GPR137C: variants seen among roughly 807,000 people sequenced by gnomAD.
The protein encoded by GPR137C is integral membrane protein GPR137C.
GPR137C carries 27 observed loss-of-function variants against 43.4 expected under a neutral mutation model. That is an observed-to-expected ratio of 0.62 (90% CI 0.46 to 0.86). The LOEUF (loss-of-function observed/expected upper bound fraction) is 0.86, where lower values mean the gene tolerates loss of function less well. GPR137C is among the 40% of genes least tolerant of loss of function. GPR137C has a pLI of 0.00. For missense variants in GPR137C, 522 were observed against 534.6 expected, an observed-to-expected ratio of 0.98 and a Z score of 0.23; for synonymous variants, 285 against 226.9, an observed-to-expected ratio of 1.26 and a Z score of -2.30.
intron 1 of GPR137C, among the ~76,000 whole-genome samples, chr14:52,567,890 C>T (rs1046161059): frequency 7.9e-5 from 12 of 152,060 alleles, no homozygotes; most frequent in African/African-American, 2.9e-4. Context: ...GAACTTCTGA[C>T]CTCGTGATCT....
At chr14:52,634,004 A>G (rs950491452) in intron 6 of GPR137C, 58 bp downstream of exon 6, 2 of 1,061,496 alleles carry the variant, frequency 1.9e-6, no homozygotes, top group African/African-American at 3.2e-5. Context: ...GAAAAAAACA[A>G]ATCTAAGCTT....
intron 3 of GPR137C, among the ~76,000 whole-genome samples, chr14:52,628,782 G>A (rs2039260428): frequency 6.6e-6 from 1 of 152,078 alleles, no homozygotes; most frequent in South Asian, 2.1e-4. Context: ...GATGACAGAG[G>A]GAGACTGTCT....
intron 3 of GPR137C, among the ~76,000 whole-genome samples, chr14:52,628,624 C>T (rs531917337): frequency 2.6e-5 from 4 of 152,026 alleles, no homozygotes; most frequent in Non-Finnish European, 4.4e-5. Context: ...GGTAAAACTC[C>T]GTCTCTACTA....
rs114474539 is a variant in GPR137C, at chr14:52,608,138, C to G, written c.717+7797C>G. Among the ~76,000 whole-genome samples the G allele has an allele frequency of 3.9e-5, 6 of 152,282 alleles. No homozygotes were observed. In the South Asian group the frequency reaches 1.2e-3, roughly 32 times the overall value. ...GTTACTATTGATATGTCAGGATTTA[C>G]TGCCATTTTTGCTTCTTTTCTAACT... On this transcript the variant is annotated intron_variant, in intron 3 of 6. Transcript: ENST00000321662.
intron 1 of GPR137C, among the ~76,000 whole-genome samples, chr14:52,566,025 A>C (rs774274160): frequency 5.9e-5 from 9 of 152,238 alleles, no homozygotes; most frequent in Middle Eastern, 3.2e-3. Context: ...ATTTTTGCTT[A>C]AACTCCTTAG....
chr14:52,556,149 A>G (rs1024873695), intron 1 of GPR137C, among the ~76,000 whole-genome samples: 13 of 152,152 alleles, frequency 8.5e-5, no homozygotes, highest in African/African-American at 2.9e-4. Context: ...GTGTGTCTTG[A>G]TTACCAACTC....
intron 3 of GPR137C, among the ~76,000 whole-genome samples, chr14:52,602,371 C>T (rs2038937272): frequency 6.6e-6 from 1 of 151,968 alleles, no homozygotes; most frequent in Non-Finnish European, 1.5e-5. Context: ...CTTTCACTAT[C>T]AAACTGACCC....
intron 3 of GPR137C, among the ~76,000 whole-genome samples, chr14:52,608,091 G>A (rs2039001461): frequency 6.6e-6 from 1 of 152,072 alleles, no homozygotes. Context: ...TAATTAGACA[G>A]TTTAATCCAT....
chr14:52,596,529 G>A (rs990150926), intron 1 of GPR137C, among the ~76,000 whole-genome samples: 2 of 152,222 alleles, frequency 1.3e-5, no homozygotes, highest in African/African-American at 4.8e-5. Flanking sequence ...CTCAACAATG[G>A]TGGATGCCCC....
intron 3 of GPR137C, among the ~76,000 whole-genome samples, chr14:52,617,126 A>G (rs533081419): frequency 9.2e-5 from 14 of 152,124 alleles, no homozygotes; most frequent in Non-Finnish European, 1.9e-4. Flanking sequence ...TGGTGATCTT[A>G]TGATATCTAT....
intron 1 of GPR137C, among the ~76,000 whole-genome samples, chr14:52,556,228 G>C (rs138772426): frequency 6.6e-6 from 1 of 151,992 alleles, no homozygotes; most frequent in Non-Finnish European, 1.5e-5. Flanking sequence ...TAAAGCATTT[G>C]TTTTTTTCTG....
intron 1 of GPR137C, among the ~76,000 whole-genome samples, chr14:52,584,464 A>G (rs1044597012): frequency 1.3e-5 from 2 of 152,190 alleles, no homozygotes; most frequent in African/African-American, 4.8e-5. Flanking sequence ...TCACAGAAGT[A>G]TTCTTCGTGT....
intron 1 of GPR137C, among the ~76,000 whole-genome samples, chr14:52,567,807 G>T (rs971978556): frequency 2.6e-5 from 4 of 151,850 alleles, no homozygotes; most frequent in African/African-American, 9.7e-5. Context: ...TTACAGGTGC[G>T]TGCCTCCACG....
chr14:52,588,607 C>G (rs976145732), intron 1 of GPR137C, among the ~76,000 whole-genome samples: 4 of 152,066 alleles, frequency 2.6e-5, no homozygotes, highest in African/African-American at 9.7e-5. Context: ...TCACTGGTCT[C>G]TATATTCTTC....
chr14:52,608,602 C>T (rs1009569428), intron 3 of GPR137C, among the ~76,000 whole-genome samples: 2 of 152,076 alleles, frequency 1.3e-5, no homozygotes, highest in Non-Finnish European at 2.9e-5. Flanking sequence ...AAAAAATTCC[C>T]TTTAGCATTT....
chr14:52,610,307 T>G (rs2139547642), intron 3 of GPR137C, among the ~76,000 whole-genome samples: 1 of 152,320 alleles, frequency 6.6e-6, no homozygotes, highest in African/African-American at 2.4e-5. Context: ...TTTCAGTCCT[T>G]TTCTAAAATA....
At chr14:52,564,008 G>A (rs2038327030) in intron 1 of GPR137C, among the ~76,000 whole-genome samples, 1 of 151,854 alleles carries the variant, frequency 6.6e-6, no homozygotes, top group Non-Finnish European at 1.5e-5. Context: ...AGGCACGGTG[G>A]CTCACACCCG....
chr14:52,632,613 T>G (rs1241346499), intron 4 of GPR137C, among the ~76,000 whole-genome samples: 1 of 152,116 alleles, frequency 6.6e-6, no homozygotes, highest in African/African-American at 2.4e-5. Context: ...TGTTTAAATA[T>G]TTCTAGATAA....
intron 1 of GPR137C, among the ~76,000 whole-genome samples, chr14:52,575,634 T>A (rs2038538976): frequency 6.6e-6 from 1 of 152,178 alleles, no homozygotes. Flanking sequence ...GCAGTATTTG[T>A]CACCTTAGAA....
Sources: allele counts gnomAD v4.1 joint callset (sites outside exome capture counted in the v4.1 genomes callset), GRCh38; gene constraint gnomAD v4.1.1; transcripts MANE v1.5; gene names NCBI Gene and HGNC (gene_info 2026-07-23, HGNC 2026-07-21).